IL1RAP: variants seen among roughly 807,000 people sequenced by gnomAD.
IL1RAP encodes the protein interleukin 1 receptor accessory protein.
Under a neutral mutation model 60.7 loss-of-function variants are expected in IL1RAP, and 35 were observed. That is an observed-to-expected ratio of 0.58 (90% confidence interval 0.44 to 0.76). The LOEUF (loss-of-function observed/expected upper bound fraction) is 0.76. IL1RAP is among the 30% of genes least tolerant of loss of function. The pLI is 0.00. For missense variants in IL1RAP, 572 were observed against 693.9 expected (o/e 0.82, Z 1.97); for synonymous variants, 268 against 250.9 (o/e 1.07, Z -0.64).
rs1253522487 is a variant in IL1RAP at position 190,609,067 on chromosome 3, C to A, written c.423C>A (p.Pro141=). Reference sequence around the variant, plus strand: ...AAAAAGACAGCTGTTTCAATTCCCCCATGAAACTCCCAGTGCATAAACTGT... The same window carrying A: ...AAAAAGACAGCTGTTTCAATTCCCCAATGAAACTCCCAGTGCATAAACTGT... ...VVQKDSCFNS[P]MKLPVHKLYI... Residue 141 remains proline, a synonymous_variant, in exon 5 of 12, where the codon CCC becomes CCA. Transcript: ENST00000447382. The A allele has an allele frequency of 6.2e-7, 1 of 1,613,156 alleles. No individual in the cohort carries two copies. Among genetic ancestry groups the A allele is most frequent in the Non-Finnish European group, 8.5e-7 (1 of 1,179,370 alleles).
chr3:190,594,037 GAAATAAA>G (rs1729173839), intron 3 of IL1RAP, among the ~76,000 whole-genome samples: 1 of 152,186 alleles, frequency 6.6e-6, no homozygotes, highest in East Asian at 1.9e-4. Flanking sequence ...TTGAACAGAG[GAAATAAA>G]ACCATTGTTA....
intron 3 of IL1RAP, among the ~76,000 whole-genome samples, chr3:190,584,048 G>C (rs964623972): frequency 6.6e-6 from 1 of 152,000 alleles, no homozygotes; most frequent in Non-Finnish European, 1.5e-5. Flanking sequence ...CCACTGTGCC[G>C]TCCCCCCACA....
At chr3:190,536,739 T>A (rs1002142252) in intron 1 of IL1RAP, among the ~76,000 whole-genome samples, 3 of 152,204 alleles carry the variant, frequency 2.0e-5, no homozygotes, top group African/African-American at 7.2e-5. Flanking sequence ...ACAACCATGG[T>A]CTATGCTTTG....
intron 3 of IL1RAP, among the ~76,000 whole-genome samples, chr3:190,572,024 T>A (rs1726971062): frequency 6.6e-6 from 1 of 152,214 alleles, no homozygotes; most frequent in South Asian, 2.1e-4. Context: ...AATTATTATT[T>A]ACTGTAGTTT....
chr3:190,654,387 T>C (rs1357405711), downstream of IL1RAP, among the ~76,000 whole-genome samples: 1 of 152,184 alleles, frequency 6.6e-6, no homozygotes, highest in Non-Finnish European at 1.5e-5. Flanking sequence ...TAGAGGGGAC[T>C]GAGGAGTTGC....
chr3:190,522,537 G>A (rs1374963872), intron 1 of IL1RAP, among the ~76,000 whole-genome samples: 1 of 151,798 alleles, frequency 6.6e-6, no homozygotes, highest in African/African-American at 2.4e-5. Flanking sequence ...CACCTAGAAG[G>A]CACTCAGTAA....
chr3:190,605,201 A>T (rs900776598), intron 4 of IL1RAP, among the ~76,000 whole-genome samples: 2 of 152,206 alleles, frequency 1.3e-5, no homozygotes, highest in Admixed American at 1.3e-4. Flanking sequence ...CTAAGGATAT[A>T]ATCCAAACAA....
intron 9 of IL1RAP, among the ~76,000 whole-genome samples, chr3:190,637,444 C>G (rs1033735127): frequency 2.6e-5 from 4 of 151,656 alleles, no homozygotes; most frequent in African/African-American, 9.7e-5. Context: ...TAGATCCTAC[C>G]ATTAACATTG....
chr3:190,521,141 T>C (rs1721983073), intron 1 of IL1RAP, among the ~76,000 whole-genome samples: 1 of 152,164 alleles, frequency 6.6e-6, no homozygotes, highest in African/African-American at 2.4e-5. Flanking sequence ...TCTATTACAA[T>C]TAACAACAGC....
At chr3:190,609,735 A>C (rs1324596635) in intron 5 of IL1RAP, among the ~76,000 whole-genome samples, 1 of 152,072 alleles carries the variant, frequency 6.6e-6, no homozygotes, top group Non-Finnish European at 1.5e-5. Flanking sequence ...CAAAGCCGAA[A>C]CCCCACGGCC....
At chr3:190,605,726 C>A (rs1730270226) in intron 4 of IL1RAP, among the ~76,000 whole-genome samples, 1 of 152,132 alleles carries the variant, frequency 6.6e-6, no homozygotes, top group African/African-American at 2.4e-5. Flanking sequence ...ACATGGTCTT[C>A]CTCTGTGTGT....
intron 4 of IL1RAP, among the ~76,000 whole-genome samples, chr3:190,608,543 G>A (rs890082088): frequency 3.9e-5 from 6 of 152,114 alleles, no homozygotes; most frequent in Middle Eastern, 6.8e-3. Flanking sequence ...TTTGTCTGAC[G>A]GTGCATAGGT....
chr3:190,629,284 T>A, intron 8 of IL1RAP, 66 bp from the exon 9 acceptor site: 1 of 1,225,066 alleles, frequency 8.2e-7, no homozygotes, highest in South Asian at 1.5e-5. Context: ...ACTTGTCTGA[T>A]TCCTACACAG....
At chr3:190,644,537 A>T in intron 10 of IL1RAP, 140 bp downstream of exon 10, 1 of 666,602 alleles carries the variant, frequency 1.5e-6, no homozygotes. Context: ...TTTAATTTCA[A>T]CCGTTGCTAT....
Position 190,604,123 on chromosome 3 carries a change from T to G in IL1RAP, c.65-5T>G. ...GCCCCTTTCTTTCTTTTTTGATTAT[T>G]CCAGAACGCTGCGATGACTGGGGAC... On this transcript the variant is annotated splice_polypyrimidine_tract_variant and splice_region_variant and intron_variant, in intron 3 of 11. Transcript: ENST00000447382. The G allele has an allele frequency of 6.2e-7, 1 of 1,613,294 alleles. No individual in the cohort carries two copies. The highest frequency in any genetic ancestry group is 1.3e-5 in the African/African-American group (1 of 75,000).
At chr3:190,574,217 G>A (rs551385632) in intron 3 of IL1RAP, among the ~76,000 whole-genome samples, 44 of 151,920 alleles carry the variant, frequency 2.9e-4, no homozygotes, top group African/African-American at 9.4e-4. Context: ...GTGATTTTTC[G>A]TGTTGCAAAT....
chr3:190,605,113 C>T (rs1250008023), intron 4 of IL1RAP, among the ~76,000 whole-genome samples: 4 of 152,046 alleles, frequency 2.6e-5, no homozygotes, highest in South Asian at 2.1e-4. Flanking sequence ...GGAGGCATGA[C>T]ATATATGTAT....
At chr3:190,659,011 G>C (rs1471157454) in exon 12 of IL1RAP, 2 of 152,148 alleles carry the variant, frequency 1.3e-5, no homozygotes, top group African/African-American at 2.4e-5. Context: ...CCTTCAGTTG[G>C]AAGACAGATA....
At chr3:190,571,509 C>G (rs756905427) in intron 3 of IL1RAP, among the ~76,000 whole-genome samples, 11 of 152,134 alleles carry the variant, frequency 7.2e-5, no homozygotes, top group Non-Finnish European at 1.2e-4. Flanking sequence ...GAACAAGACC[C>G]TGTCTCTCTC....
Sources: allele counts gnomAD v4.1 joint callset (sites outside exome capture counted in the v4.1 genomes callset), GRCh38; gene constraint gnomAD v4.1.1; transcripts MANE v1.5; gene names NCBI Gene and HGNC (gene_info 2026-07-23, HGNC 2026-07-21).